DNAH14: variants seen among roughly 807,000 people sequenced by gnomAD.
DNAH14 encodes axonemal beta dynein heavy chain 14.
Under a neutral mutation model 520.9 loss-of-function variants are expected in DNAH14, and 478 were observed. That is an observed-to-expected ratio of 0.92 (90% CI 0.85 to 0.99). DNAH14 has a LOEUF of 0.99. Ranked by LOEUF, DNAH14 falls within the 50% of genes least tolerant of loss-of-function variation. DNAH14 has a pLI of 0.00. For synonymous variants in DNAH14, 1,581 were observed against 1,757.2 expected (o/e 0.90, Z 2.51); for missense variants, 4,831 against 5,234.5 (o/e 0.92, Z 2.38).
At chr1:225,187,334 C>T (rs1295093415) in intron 37 of DNAH14, among the ~76,000 whole-genome samples, 1 of 151,814 alleles carries the variant, frequency 6.6e-6, no homozygotes, top group Non-Finnish European at 1.5e-5. Flanking sequence ...CTTCCCATTC[C>T]CTGGAAGCCA....
chr1:225,302,226 A>T (rs917689042), intron 56 of DNAH14, among the ~76,000 whole-genome samples: 1 of 151,302 alleles, frequency 6.6e-6, no homozygotes, highest in South Asian at 2.1e-4. Context: ...TTAAACTGCT[A>T]ACATTTGATA....
intron 38 of DNAH14, among the ~76,000 whole-genome samples, chr1:225,203,151 AG>A: frequency 6.6e-6 from 1 of 152,282 alleles, no homozygotes; most frequent in African/African-American, 2.4e-5. Context: ...CTGGAGCAAA[AG>A]TTCATGATGT....
intron 10 of DNAH14, among the ~76,000 whole-genome samples, chr1:225,016,408 G>A (rs2065218554): frequency 6.6e-6 from 1 of 152,088 alleles, no homozygotes; most frequent in African/African-American, 2.4e-5. Context: ...AGTTTCTGCT[G>A]AGAAATCTGC....
At chr1:224,948,835 T>C (rs1158572936) in intron 1 of DNAH14, among the ~76,000 whole-genome samples, 3 of 152,180 alleles carry the variant, frequency 2.0e-5, no homozygotes, top group African/African-American at 7.2e-5. Flanking sequence ...TAAAACACTT[T>C]AGTTCTGGTC....
intron 27 of DNAH14, among the ~76,000 whole-genome samples, chr1:225,127,850 T>A (rs2077923175): frequency 6.6e-6 from 1 of 152,170 alleles, no homozygotes; most frequent in African/African-American, 2.4e-5. Context: ...CTGGTAACAG[T>A]TGTTCCTTTC....
intron 23 of DNAH14, among the ~76,000 whole-genome samples, chr1:225,101,944 AG>A (rs1230535434): frequency 1.3e-5 from 2 of 151,564 alleles, no homozygotes. Flanking sequence ...CACAACGTGC[AG>A]GTTAGTTACA....
intron 72 of DNAH14, 84 bp from the exon 73 acceptor site, chr1:225,353,719 G>C: frequency 1.3e-6 from 1 of 750,582 alleles, no homozygotes; most frequent in Admixed American, 3.1e-5. Context: ...ACAATTTTAT[G>C]ACAGAAATTT....
intron 77 of DNAH14, among the ~76,000 whole-genome samples, chr1:225,370,718 T>C (rs1219246799): frequency 6.6e-6 from 1 of 151,896 alleles, no homozygotes; most frequent in Admixed American, 6.5e-5. Flanking sequence ...AAATAAAAGC[T>C]AATAAAGGAA....
chr1:225,172,368 C>T (rs371093399), intron 36 of DNAH14, among the ~76,000 whole-genome samples: 10 of 152,234 alleles, frequency 6.6e-5, no homozygotes, highest in Admixed American at 2.0e-4. Context: ...AAAACCCCAT[C>T]GTCTCAGCCC....
chr1:225,079,306 T>C lies in DNAH14; in HGVS notation c.2524T>C (p.Ser842Pro), dbSNP rs2072816947. ...TTTGAATGCAATTTCCTCAAAAATA[T>C]CTAAATTAGAAAAAGAGTTCTTAAC... ...IFLNAISSKI[S>P]KLEKEFLTMS... is the part of the protein sequence containing the mutation. The change falls in exon 18 of 86, where the codon TCT becomes CCT. Residue 842 changes from serine to proline, a missense_variant. Ser to Pro is a moderately conservative substitution (Grantham distance 74). Transcript: ENST00000682510. The C allele has an allele frequency of 1.9e-6, 3 of 1,549,704 alleles. No individual in the cohort carries two copies. Among genetic ancestry groups the C allele is most frequent in the Non-Finnish European group, 2.6e-6 (3 of 1,146,516 alleles).
At chr1:225,149,493 A>G (rs995086192) in intron 31 of DNAH14, among the ~76,000 whole-genome samples, 3 of 152,180 alleles carry the variant, frequency 2.0e-5, no homozygotes, top group African/African-American at 7.2e-5. Context: ...TTTGATAGGA[A>G]CAGCATTGAA....
intron 41 of DNAH14, among the ~76,000 whole-genome samples, chr1:225,228,973 T>C (rs2090827264): frequency 6.6e-6 from 1 of 152,200 alleles, no homozygotes; most frequent in African/African-American, 2.4e-5. Flanking sequence ...AATAGCTTGT[T>C]TACTCATGTT....
chr1:225,146,136 T>A (rs2079917688), intron 30 of DNAH14, among the ~76,000 whole-genome samples: 1 of 152,182 alleles, frequency 6.6e-6, no homozygotes, highest in Non-Finnish European at 1.5e-5. Flanking sequence ...CTATGAGGGC[T>A]CCACATGAGT....
chr1:224,964,250 G>A (rs944013080), intron 4 of DNAH14, among the ~76,000 whole-genome samples: 14 of 152,028 alleles, frequency 9.2e-5, no homozygotes, highest in Non-Finnish European at 1.8e-4. Flanking sequence ...GTGTAATTAT[G>A]AATTAGGTCT....
At chr1:225,276,698 G>A (rs1016168327) in intron 53 of DNAH14, among the ~76,000 whole-genome samples, 3 of 151,704 alleles carry the variant, frequency 2.0e-5, no homozygotes, top group Non-Finnish European at 4.4e-5. Context: ...AGGAGTTTGA[G>A]ACCAGTCTGG....
intron 61 of DNAH14, among the ~76,000 whole-genome samples, 185 bp from the exon 62 acceptor site, chr1:225,322,479 A>G (rs901708824): frequency 6.6e-6 from 1 of 152,204 alleles, no homozygotes; most frequent in Non-Finnish European, 1.5e-5. Context: ...AAACTATAAT[A>G]TCCTTATATT....
At chr1:225,398,781 C>A in intron 85 of DNAH14, 115 bp downstream of exon 85, 1 of 1,359,874 alleles carries the variant, frequency 7.4e-7, no homozygotes, top group Non-Finnish European at 9.8e-7. Flanking sequence ...TGATAATATA[C>A]TCAGACAACA....
Position 225,218,483 on chromosome 1 carries a change from C to CA in DNAH14, c.6439+11276dup, listed in dbSNP as rs143044295. ...GAAGATCTACCAAGCAAATGGAAAC[C>CA]AAAAAAAAAAAAAGCAGGGGTTGCA... is the stretch of plus-strand genomic sequence containing the variant. On this transcript the variant is annotated intron_variant, in intron 41 of 85. Coordinates refer to ENST00000682510, the MANE Select transcript of DNAH14 (RefSeq NM_001367479.1). Among the ~76,000 whole-genome samples, 375 of 126,690 alleles carry CA rather than the reference C, an allele frequency of 3.0e-3. 2 individuals are homozygous for CA. Among genetic ancestry groups the CA allele is most frequent in the Middle Eastern group, 8.1e-3 (2 of 246 alleles). 83.1% of individuals were successfully genotyped at this position (126,690 alleles called of 152,430 possible). A position where few individuals can be genotyped will look rare whatever the true frequency, so the allele number is the denominator to read the frequency against.
chr1:225,026,595 C>T (rs2066138713), intron 11 of DNAH14, among the ~76,000 whole-genome samples: 3 of 152,034 alleles, frequency 2.0e-5, no homozygotes, highest in Admixed American at 2.0e-4. Flanking sequence ...ATTTTCAGAC[C>T]CTCAATTTCA....
Sources: allele counts gnomAD v4.1 joint callset (sites outside exome capture counted in the v4.1 genomes callset), GRCh38; gene constraint gnomAD v4.1.1; transcripts MANE v1.5; gene names NCBI Gene and HGNC (gene_info 2026-07-23, HGNC 2026-07-21).